The following TEX9 variants were observed in gnomAD, a reference collection of about 807,000 sequenced individuals.
TEX9 encodes testis-expressed protein 9.
A neutral mutation model predicts 59.6 loss-of-function variants in TEX9; 74 were observed. That is an observed-to-expected ratio of 1.24 (90% CI 1.03 to 1.51). The LOEUF is 1.51. Ranked by LOEUF, TEX9 falls within the 40% of genes most tolerant of loss-of-function variation. TEX9 has a pLI of 0.00. For missense variants in TEX9, 522 were observed against 447.8 expected (o/e 1.17, Z -1.49); for synonymous variants, 186 against 152.2 (o/e 1.22, Z -1.64).
chr15:56,456,672 A>G, the TEX9 span: 1 of 838,878 alleles, frequency 1.2e-6, no homozygotes, highest in South Asian at 1.9e-5. Context: ...TTCAATAAAT[A>G]CTTTTTCAAA....
intron 1 of TEX9, among the ~76,000 whole-genome samples, chr15:56,310,691 G>A (rs144398089): frequency 0.044 from 6,660 of 152,206 alleles, 222 homozygotes; most frequent in Admixed American, 0.086. Context: ...AAAGATAGGT[G>A]GCTAGATAAT....
chr15:56,451,150 T>G, the TEX9 span, among the ~76,000 whole-genome samples: 1 of 152,242 alleles, frequency 6.6e-6, no homozygotes, highest in African/African-American at 2.4e-5. Context: ...CAATTTGTTC[T>G]TCTGGCCTAA....
chr15:56,392,102 A>G (rs1015079988), intron 7 of TEX9, among the ~76,000 whole-genome samples: 4 of 151,940 alleles, frequency 2.6e-5, no homozygotes, highest in African/African-American at 9.7e-5. Flanking sequence ...ACTACAGGCA[A>G]GCCACTTAGC....
intron 12 of TEX9, among the ~76,000 whole-genome samples, chr15:56,439,791 CACAA>C (rs796923194): frequency 1.3e-4 from 20 of 148,186 alleles, no homozygotes; most frequent in African/African-American, 4.7e-4. Context: ...CACACACACA[CACAA>C]ACCTTTAGGA....
intron 1 of TEX9, among the ~76,000 whole-genome samples, chr15:56,310,492 C>A (rs1311778438): frequency 1.3e-5 from 2 of 152,138 alleles, no homozygotes; most frequent in Non-Finnish European, 2.9e-5. Context: ...TCTTTCTAGG[C>A]CAAGGTTGAG....
upstream of TEX9, among the ~76,000 whole-genome samples, chr15:56,361,978 T>A (rs1264951037): frequency 6.6e-6 from 1 of 152,190 alleles, no homozygotes; most frequent in Non-Finnish European, 1.5e-5. Flanking sequence ...AAATTTCTGT[T>A]GTTTTAAGCC....
At chr15:56,304,669 G>A (rs1445786449) in intron 1 of TEX9, among the ~76,000 whole-genome samples, 1 of 152,102 alleles carries the variant, frequency 6.6e-6, no homozygotes, top group Non-Finnish European at 1.5e-5. Context: ...CTAGTATATT[G>A]TTGACAATTT....
intron 3 of TEX9, among the ~76,000 whole-genome samples, chr15:56,378,873 C>G (rs1288553147): frequency 2.9e-4 from 44 of 151,868 alleles, no homozygotes; most frequent in Admixed American, 2.8e-3. Flanking sequence ...TGAGACCAGC[C>G]TGGGCAACAT....
chr15:56,447,104 C>G, downstream of TEX9: 3 of 563,212 alleles, frequency 5.3e-6, no homozygotes, highest in South Asian at 4.6e-5. Flanking sequence ...TTAATGGATG[C>G]CTTTAGGGCA....
At chr15:56,365,630 A>G (rs2046905922) in exon 2 of TEX9, 8 of 1,614,028 alleles carry the variant, frequency 5.0e-6, no homozygotes, top group Admixed American at 1.7e-5. Context: ...GCAACCCTCT[A>G]CACCTGGACC....
In TEX9 at chr15:56,291,700, C is replaced by T. The variant is rs532822879; in HGVS notation, c.-107+47422C>T. On this transcript the variant is annotated intron_variant, in intron 1 of 5. Coordinates refer to the TEX9 transcript ENST00000560827. ...CCTTTAACCAACATCTTCCCAATTT[C>T]CCCACTCCCCCCAACTTCTACCTTT... 6.6e-5 allele frequency among the ~76,000 whole-genome samples: 10 copies of T among 152,246 alleles called. No homozygotes were observed. In the South Asian group the frequency reaches 8.3e-4, roughly 13 times the overall value.
chr15:56,245,675 A>G (rs2043835851), intron 1 of TEX9, among the ~76,000 whole-genome samples: 1 of 152,184 alleles, frequency 6.6e-6, no homozygotes, highest in Admixed American at 6.5e-5. Context: ...TTCCTCCCCA[A>G]GAGTGTATAA....
intron 2 of TEX9, among the ~76,000 whole-genome samples, chr15:56,369,097 C>G (rs2047073626): frequency 6.6e-6 from 1 of 151,916 alleles, no homozygotes; most frequent in Admixed American, 6.6e-5. Context: ...TTATTTAGTT[C>G]TAAATATTAT....
At chr15:56,456,619 G>A in the TEX9 span, 4 of 1,147,962 alleles carry the variant, frequency 3.5e-6, no homozygotes, top group Admixed American at 7.6e-5. Context: ...ATGCCTTAAG[G>A]CCAACAATTG....
chr15:56,320,857 C>T (rs2045886500), intron 1 of TEX9, among the ~76,000 whole-genome samples: 1 of 152,102 alleles, frequency 6.6e-6, no homozygotes, highest in South Asian at 2.1e-4. Context: ...TTCCTTTGCC[C>T]CTTTGGACAC....
At chr15:56,444,388 C>G (rs1201799405) in intron 12 of TEX9, 10 of 1,450,344 alleles carry the variant, frequency 6.9e-6, no homozygotes, top group Non-Finnish European at 9.4e-6. Flanking sequence ...CACAACAAAC[C>G]TGTGATATAT....
At chr15:56,382,652 G>T (rs1399742751) in intron 3 of TEX9, among the ~76,000 whole-genome samples, 3 of 152,192 alleles carry the variant, frequency 2.0e-5, no homozygotes, top group Non-Finnish European at 4.4e-5. Flanking sequence ...GTCTAGAAAT[G>T]TCATTTAGGA....
chr15:56,264,016 T>C (rs967153105), intron 1 of TEX9, among the ~76,000 whole-genome samples: 2 of 152,210 alleles, frequency 1.3e-5, no homozygotes, highest in Non-Finnish European at 2.9e-5. Flanking sequence ...GTTACCAGTC[T>C]TTGGTGACTT....
At chr15:56,336,343 T>C (rs1157547356) in intron 1 of TEX9, among the ~76,000 whole-genome samples, 7 of 152,082 alleles carry the variant, frequency 4.6e-5, no homozygotes, top group Non-Finnish European at 1.0e-4. Flanking sequence ...GTCACAAGGG[T>C]GGTCCCTGCA....
Sources: gnomAD v4.1 joint callset for allele counts (sites outside exome capture counted in the v4.1 genomes callset) on GRCh38, gnomAD v4.1.1 for gene constraint, MANE v1.5 for transcripts, NCBI Gene and HGNC (gene_info 2026-07-23, HGNC 2026-07-21) for gene names.